Variants in ZNF595 observed in about 807,000 individuals in gnomAD.
ZNF595 encodes the protein zinc finger protein 595.
In ZNF595, 9 loss-of-function variants were observed where a neutral mutation model predicts 19.4. That is an observed-to-expected ratio of 0.46 (90% confidence interval 0.28 to 0.81). ZNF595 has a LOEUF of 0.81. Among genes scored for constraint, ZNF595 ranks in the 30% least tolerant of loss-of-function variants. The probability of loss-of-function intolerance (pLI) is 0.11; values close to 1 mark genes in which losing one functional copy is unlikely to be tolerated. For synonymous variants in ZNF595, 255 were observed against 255.9 expected (o/e 1.00, Z 0.03); for missense variants, 729 against 736.0 (o/e 0.99, Z 0.11).
At chr4:72,110 A>T (rs1713456160) in intron 3 of ZNF595, among the ~76,000 whole-genome samples, 1 of 152,126 alleles carries the variant, frequency 6.6e-6, no homozygotes. Flanking sequence ...AAGATTGTTT[A>T]CTTATTTCAG....
rs571465426 is a variant in ZNF595 at position 86,257 on chromosome 4, T to C, written c.753T>C (p.Thr251=). ...TGAACGAACATAAGAAAATTCATAC[T>C]GGAGAGAAACCCTACAAATGTGAAG... ...TVLNEHKKIH[T]GEKPYKCEEC... The change falls in exon 4 of 4, where the codon ACT becomes ACC. Residue 251 remains threonine (T), a synonymous_variant. Transcript: ENST00000610261. 13 of 1,611,834 alleles carry C rather than the reference T, an allele frequency of 8.1e-6. No homozygotes were observed. Among genetic ancestry groups the C allele is most frequent in the Admixed American group, 3.3e-5 (2 of 59,856 alleles).
chr4:66,279 T>A (rs1286991496), intron 3 of ZNF595, among the ~76,000 whole-genome samples: 2 of 152,168 alleles, frequency 1.3e-5, no homozygotes, highest in Admixed American at 1.3e-4. Context: ...TAATTGTGTA[T>A]TTCATCTTTG....
chr4:85,660 A>G (rs1714104279), intron 3 of ZNF595, 71 bp from the exon 4 acceptor site: 3 of 1,464,400 alleles, frequency 2.0e-6, no homozygotes, highest in Non-Finnish European at 2.7e-6. Flanking sequence ...TACATTTTCG[A>G]TATTACATTC....
In ZNF595 at chr4:66,859, G is replaced by A. The variant is rs1275327771; in HGVS notation, c.226+6706G>A. Among the ~76,000 whole-genome samples the A allele has an allele frequency of 3.3e-5, 5 of 152,032 alleles. No homozygotes were observed. The South Asian group carries it at 8.3e-4, about 25-fold the overall frequency. On this transcript the variant is annotated intron_variant, in intron 3 of 3. Transcript: ENST00000610261. ...GCTTTGTTATCTGTTCTAAAAACAG[G>A]AAACGTTGTGCATGTAACTTTGTTC... is the stretch of plus-strand genomic sequence containing the variant.
intron 3 of ZNF595, among the ~76,000 whole-genome samples, chr4:84,772 A>G (rs1714064159): frequency 6.6e-6 from 1 of 151,966 alleles, no homozygotes; most frequent in Admixed American, 6.6e-5. Context: ...CACATCCACA[A>G]TTTGTTTTTT....
intron 1 of ZNF595, among the ~76,000 whole-genome samples, chr4:57,547 C>G (rs10155201): frequency 0.014 from 1,739 of 125,996 alleles, no homozygotes; most frequent in Middle Eastern, 0.071. Flanking sequence ...CCTGTGCAGA[C>G]TGGGTCAGTG....
At chr4:72,305 A>C (rs782611567) in intron 3 of ZNF595, among the ~76,000 whole-genome samples, 1 of 151,744 alleles carries the variant, frequency 6.6e-6, no homozygotes, top group Non-Finnish European at 1.5e-5. Flanking sequence ...AAATCTGTAC[A>C]TTTTGGGAGC....
chr4:75,916 G>T (rs1198153441), intron 3 of ZNF595, among the ~76,000 whole-genome samples: 3 of 151,762 alleles, frequency 2.0e-5, no homozygotes, highest in Non-Finnish European at 4.4e-5. Context: ...TACAGATAGG[G>T]TCTTGCTTTC....
chr4:82,372 GTTTTTTTTTTT>G lies in ZNF595; in HGVS notation c.227-3341_227-3331del, dbSNP rs34932652. On this transcript the variant is annotated intron_variant, in intron 3 of 3. Coordinates refer to ENST00000610261, the MANE Select transcript of ZNF595 (RefSeq NM_182524.4). ...CAAAAGTCCATTTTTTTGGTTTGTGGTTTTTTTTTTTTTTTTTTTTTTTTTTTTGAGATGGA... is the reference window on the plus strand; with the variant it reads ...CAAAAGTCCATTTTTTTGGTTTGTGGTTTTTTTTTTTTTTTTTGAGATGGA... 3.5e-5 allele frequency among the ~76,000 whole-genome samples: 3 copies of G among 85,922 alleles called. No individual in the cohort carries two copies. In the East Asian group the frequency reaches 1.0e-3, roughly 29 times the overall value. 56.4% of individuals were successfully genotyped at this position (85,922 alleles called of 152,430 possible). A position where few individuals can be genotyped will look rare whatever the true frequency, so the allele number is the denominator to read the frequency against.
intron 3 of ZNF595, among the ~76,000 whole-genome samples, chr4:73,027 T>C (rs1553798102): frequency 6.6e-6 from 1 of 151,616 alleles, no homozygotes; most frequent in East Asian, 1.9e-4. Context: ...GCAGTGAGAG[T>C]TGGGATGGGA....
chr4:80,781 G>T (rs1349148386), intron 3 of ZNF595, among the ~76,000 whole-genome samples: 2 of 152,186 alleles, frequency 1.3e-5, no homozygotes, highest in Non-Finnish European at 2.9e-5. Flanking sequence ...TTCTTCAGTT[G>T]CCTCAGGCCA....
At chr4:80,014 A>G (rs1713838609) in intron 3 of ZNF595, among the ~76,000 whole-genome samples, 2 of 152,114 alleles carry the variant, frequency 1.3e-5, no homozygotes, top group Non-Finnish European at 2.9e-5. Context: ...GCATTGGGCA[A>G]AATTGAATAT....
At chr4:85,304 G>T (rs1714085498) in intron 3 of ZNF595, among the ~76,000 whole-genome samples, 1 of 152,188 alleles carries the variant, frequency 6.6e-6, no homozygotes, top group Non-Finnish European at 1.5e-5. Context: ...AGCTCTCTGT[G>T]TTGTTGGAGA....
chr4:76,815 C>G (rs1713682428), intron 3 of ZNF595, among the ~76,000 whole-genome samples: 1 of 152,132 alleles, frequency 6.6e-6, no homozygotes, highest in African/African-American at 2.4e-5. Flanking sequence ...GAGCAATTTG[C>G]TGATAACCTT....
rs782668707 is a variant in ZNF595, at chr4:86,989, G to T, written c.1485G>T (p.Leu495=). 5 of 1,610,932 alleles carry T rather than the reference G, an allele frequency of 3.1e-6. No homozygotes were observed. The African/African-American group carries it at 5.4e-5, about 17-fold the overall frequency. The part of the protein sequence containing the change: ...CGKAFIWSAS[L]NEHKNIHTGE... The stretch of plus-strand genomic sequence containing the variant: ...AAGCTTTCATATGGTCCGCAAGCCT[G>T]AATGAACATAAGAATATTCATACTG... Residue 495 remains leucine, a synonymous_variant, in exon 4 of 4, where the codon CTG becomes CTT. Coordinates refer to ENST00000610261, the MANE Select transcript of ZNF595 (RefSeq NM_182524.4).
At chr4:66,596 A>C (rs2108750772) in intron 3 of ZNF595, among the ~76,000 whole-genome samples, 1 of 150,508 alleles carries the variant, frequency 6.6e-6, no homozygotes, top group South Asian at 2.2e-4. Context: ...TTAAATATTT[A>C]ACTCATTCAA....
At chr4:61,347 G>A (rs1712856114) in intron 3 of ZNF595, among the ~76,000 whole-genome samples, 1 of 152,300 alleles carries the variant, frequency 6.6e-6, no homozygotes, top group Non-Finnish European at 1.5e-5. Flanking sequence ...TGTCGGCCAG[G>A]CAGGTTTTGA....
intron 3 of ZNF595, among the ~76,000 whole-genome samples, chr4:77,562 T>C (rs1713724092): frequency 6.6e-6 from 1 of 152,136 alleles, no homozygotes; most frequent in African/African-American, 2.4e-5. Context: ...GGGAGGTAAA[T>C]ACTTCTCCTG....
intron 3 of ZNF595, among the ~76,000 whole-genome samples, chr4:80,582 TA>T (rs1231223609): frequency 2.6e-5 from 4 of 151,838 alleles, no homozygotes; most frequent in African/African-American, 4.8e-5. Context: ...CGAAGGGAGA[TA>T]GGGGTGGGGC....
Sources: allele counts gnomAD v4.1 joint callset (sites outside exome capture counted in the v4.1 genomes callset), GRCh38; gene constraint gnomAD v4.1.1; transcripts MANE v1.5; gene names NCBI Gene and HGNC (gene_info 2026-07-23, HGNC 2026-07-21).